The following KATNB1 variants were observed in gnomAD, a reference collection of about 807,000 sequenced individuals.
The protein encoded by KATNB1 is katanin regulatory subunit B1, also known as katanin p80 WD40 repeat-containing subunit B1.
In KATNB1, 38 loss-of-function variants were observed where a neutral mutation model predicts 82.3. The observed-to-expected ratio is 0.46, with a 90% confidence interval of 0.36 to 0.61. KATNB1 has a LOEUF of 0.61. Among genes scored for constraint, KATNB1 ranks in the 20% least tolerant of loss-of-function variants. The pLI is 0.00. For missense variants in KATNB1, 749 were observed against 915.7 expected, an observed-to-expected ratio of 0.82 and a Z score of 2.35; for synonymous variants, 361 against 368.7, an observed-to-expected ratio of 0.98 and a Z score of 0.24.
At chr16:57,756,269 T>C in intron 18 of KATNB1, 87 bp from the exon 19 acceptor site, 1 of 1,274,414 alleles carries the variant, frequency 7.8e-7, no homozygotes, top group Non-Finnish European at 1.1e-6. Context: ...TGTCTGTTTC[T>C]GCCCCTCTCC....
At chr16:57,753,694 G>A (rs1339701941) in intron 12 of KATNB1, among the ~76,000 whole-genome samples, 175 bp downstream of exon 12, 1 of 151,986 alleles carries the variant, frequency 6.6e-6, no homozygotes, top group African/African-American at 2.4e-5. Context: ...TGCTCTGATG[G>A]AACTGAGAGG....
intron 4 of KATNB1, among the ~76,000 whole-genome samples, chr16:57,748,352 A>T (rs1279646712): frequency 1.3e-5 from 2 of 152,066 alleles, no homozygotes; most frequent in African/African-American, 4.8e-5. Flanking sequence ...CTCTGCGGGC[A>T]TGGTGGCTCA....
intron 2 of KATNB1, among the ~76,000 whole-genome samples, chr16:57,738,261 CT>C (rs11450469): frequency 1.6e-3 from 231 of 144,618 alleles, no homozygotes; most frequent in Middle Eastern, 7.2e-3. Context: ...AGACTCCACA[CT>C]TTTTTTTTTT....
At chr16:57,747,662 C>T (rs1419412722) in intron 4 of KATNB1, among the ~76,000 whole-genome samples, 5 of 152,156 alleles carry the variant, frequency 3.3e-5, no homozygotes, top group Non-Finnish European at 5.9e-5. Flanking sequence ...AGGAGTGAGT[C>T]CAGGATGGCT....
chr16:57,753,620 T>C, intron 12 of KATNB1, 101 bp downstream of exon 12: 3 of 1,462,014 alleles, frequency 2.1e-6, no homozygotes. Flanking sequence ...TCCCTTTAAC[T>C]TCCTCCTAAC....
At chr16:57,752,507 G>T in intron 8 of KATNB1, 23 bp from the exon 9 acceptor site, 1 of 1,554,690 alleles carries the variant, frequency 6.4e-7, no homozygotes, top group South Asian at 1.2e-5. Flanking sequence ...AGGCTTCGCA[G>T]CACAGCTTGG....
intron 3 of KATNB1, among the ~76,000 whole-genome samples, chr16:57,743,735 T>C (rs1481016852): frequency 2.0e-5 from 3 of 152,238 alleles, no homozygotes; most frequent in Non-Finnish European, 4.4e-5. Context: ...CTCTCTCCCC[T>C]TGGGGTTTCT....
intron 19 of KATNB1, 59 bp from the exon 20 acceptor site, chr16:57,756,755 G>C: frequency 6.7e-7 from 1 of 1,488,270 alleles, no homozygotes; most frequent in East Asian, 2.4e-5. Context: ...AAAGGCCCTG[G>C]GGTTGGGTGT....
chr16:57,754,860 C>T (rs370323036), intron 13 of KATNB1, 70 bp from the exon 14 acceptor site: 104 of 1,513,848 alleles, frequency 6.9e-5, no homozygotes, highest in East Asian at 5.0e-4. Context: ...CCCAGAGTCC[C>T]GCCCTGAGCC....
chr16:57,756,695 C>A, intron 19 of KATNB1, 119 bp from the exon 20 acceptor site: 1 of 1,424,826 alleles, frequency 7.0e-7, no homozygotes, highest in Non-Finnish European at 9.3e-7. Flanking sequence ...TGGTTCCCCT[C>A]TGGGCCTCCG....
Position 57,751,960 on chromosome 16 carries a change from C to T in KATNB1, c.537C>T (p.Gly179=). Residue 179 remains glycine (G), a synonymous_variant, in exon 8 of 20, where the codon GGC becomes GGT. Transcript: ENST00000379661. This position sits in a 1 kb window ranked among gnomAD's most constrained non-coding sequence, Gnocchi z 6.3. ...HTVKLWDLTA[G]KMMSEFPGHT... is the part of the protein sequence containing the mutation. ...TCCAGCTCTGGGATCTCACTGCCGG[C>T]AAGATGATGTCTGAGTTCCCTGGTC... 6.2e-7 allele frequency: 1 copy of T among 1,613,898 alleles called. No homozygotes were observed. Among genetic ancestry groups the T allele is most frequent in the Non-Finnish European group, 8.5e-7 (1 of 1,179,948 alleles).
rs2049275437 is a variant in KATNB1 at position 57,756,119 on chromosome 16, A to C, written c.1718+53A>C. The C allele has an allele frequency of 7.0e-6, 11 of 1,574,034 alleles. No homozygotes were observed. In the African/African-American group the frequency reaches 1.2e-4, roughly 17 times the overall value. ...GAAGCAGGGGGAGGGGAGAGGTAAG[A>C]AGCCTCCTCCAGAACCATGGGAAGG... is the stretch of plus-strand genomic sequence containing the variant. On this transcript the variant is annotated intron_variant, in intron 18 of 19. Coordinates refer to ENST00000379661, the MANE Select transcript of KATNB1 (RefSeq NM_005886.3).
intron 2 of KATNB1, among the ~76,000 whole-genome samples, chr16:57,740,740 C>T (rs2049136085): frequency 6.6e-6 from 1 of 152,208 alleles, no homozygotes; most frequent in Non-Finnish European, 1.5e-5. Flanking sequence ...CGGACCAGGC[C>T]AGGGCCTTGG....
Position 57,751,469 on chromosome 16 carries a change from T to C in KATNB1, c.432+167T>C, listed in dbSNP as rs2049227349. ...GAGCGCCATGGGCGGCCCACCTGGA[T>C]CCCCTGGCTCTGCATGAATCCCCTA... is the stretch of plus-strand genomic sequence containing the variant. On this transcript the variant is annotated intron_variant, in intron 6 of 19. Coordinates refer to ENST00000379661, the MANE Select transcript of KATNB1 (RefSeq NM_005886.3). This position sits in a 1 kb window ranked among gnomAD's most constrained non-coding sequence, Gnocchi z 6.3. Among the ~76,000 whole-genome samples the C allele has an allele frequency of 1.3e-5, 2 of 152,024 alleles. No individual in the cohort carries two copies. Among genetic ancestry groups the C allele is most frequent in the Admixed American group, 1.3e-4 (2 of 15,258 alleles).
rs1341355556 is a variant in KATNB1, at chr16:57,753,206, C to A, written c.985C>A (p.Pro329Thr). The A allele has an allele frequency of 1.2e-6, 2 of 1,608,310 alleles. No individual in the cohort carries two copies. Among genetic ancestry groups the A allele is most frequent in the African/African-American group, 2.7e-5 (2 of 75,038 alleles). Residue 329 changes from proline (P) to threonine (T), a missense_variant, in exon 11 of 20, where the codon CCC (proline) becomes ACC (threonine). Physicochemically the swap from Pro to Thr is conservative, Grantham distance 38 (BLOSUM62 -1). This residue lies in a region of KATNB1 where 407 missense variants were observed against 434.7 expected (regional missense o/e 0.94). Coordinates refer to ENST00000379661, the MANE Select transcript of KATNB1 (RefSeq NM_005886.3). ...GCCCCTGGCACAGCCACTGCCCAAC[C>A]CCAGCGCCCCCCTCCGGCGCATCTA... is the stretch of plus-strand genomic sequence containing the variant. ...HRPLAQPLPN[P>T]SAPLRRIYER...
Position 57,751,125 on chromosome 16 carries a change from T to G in KATNB1, c.391-136T>G. The G allele has an allele frequency of 1.1e-6, 1 of 908,656 alleles. No homozygotes were observed. The highest frequency in any genetic ancestry group is 1.8e-6 in the Non-Finnish European group (1 of 562,808). The allele number at this position is 908,656 out of a possible 1,614,324, so 56.3% of individuals were successfully genotyped here. ...CAGAATGCCAGCTTTAGTGAGCAGTTTCTGTCCTTGTCTCCGTGGGGAGTA... is the reference window on the plus strand; with the variant it reads ...CAGAATGCCAGCTTTAGTGAGCAGTGTCTGTCCTTGTCTCCGTGGGGAGTA... On this transcript the variant is annotated intron_variant, in intron 5 of 19. Coordinates refer to ENST00000379661, the MANE Select transcript of KATNB1 (RefSeq NM_005886.3). The surrounding 1 kb of genome is among the most constrained non-coding windows in gnomAD (Gnocchi z 6.3).
chr16:57,737,258 G>A lies in KATNB1; in HGVS notation c.15G>A (p.Val5=), dbSNP rs140697582. The A allele has an allele frequency of 1.1e-5, 18 of 1,614,086 alleles. No homozygotes were observed. In the African/African-American group the frequency reaches 2.4e-4, roughly 22 times the overall value. MATP[V]VTKTAWKLQE... ...CCAGCTGAAGGATGGCCACCCCTGT[G>A]GTCACCAAGACAGCCTGGAAGTTGC... The change falls in exon 2 of 20, where the codon GTG becomes GTA. Residue 5 remains valine, a synonymous_variant. Transcript: ENST00000379661.
intron 8 of KATNB1, 56 bp from the exon 9 acceptor site, chr16:57,752,474 A>G (rs2049236213): frequency 1.4e-6 from 2 of 1,465,142 alleles, no homozygotes; most frequent in Non-Finnish European, 1.9e-6. Flanking sequence ...TCCCAGGGAC[A>G]TGTGGAGGCC....
chr16:57,739,640 C>G (rs2049128122), intron 2 of KATNB1, among the ~76,000 whole-genome samples: 1 of 152,196 alleles, frequency 6.6e-6, no homozygotes, highest in Non-Finnish European at 1.5e-5. Flanking sequence ...TGCTGTGTCC[C>G]TGCCCCTCTG....
Sources: gnomAD v4.1 joint callset for allele counts (sites outside exome capture counted in the v4.1 genomes callset) on GRCh38, gnomAD v4.1.1 for gene constraint, gnomAD v4.1.1 regional missense constraint, Gnocchi (gnomAD v3.1) non-coding constraint, MANE v1.5 for transcripts, NCBI Gene and HGNC (gene_info 2026-07-23, HGNC 2026-07-21) for gene names.